GPR137B: variants seen among roughly 807,000 people sequenced by gnomAD.
GPR137B encodes G protein-coupled receptor 137B.
GPR137B carries 42 observed loss-of-function variants against 42.5 expected under a neutral mutation model. That is an observed-to-expected ratio of 0.99 (90% CI 0.77 to 1.28). The LOEUF (loss-of-function observed/expected upper bound fraction) is 1.28. Ranked by LOEUF, GPR137B falls within the 50% of genes most tolerant of loss-of-function variation. GPR137B has a pLI of 0.00. For missense variants in GPR137B, 487 were observed against 493.9 expected (o/e 0.99, Z 0.13); for synonymous variants, 218 against 209.7 (o/e 1.04, Z -0.34).
At chr1:236,161,218 C>G (rs1036462309) in intron 1 of GPR137B, among the ~76,000 whole-genome samples, 1 of 152,142 alleles carries the variant, frequency 6.6e-6, no homozygotes, top group Non-Finnish European at 1.5e-5. Flanking sequence ...TCTCACAGCA[C>G]AGGTCTGCAT....
intron 1 of GPR137B, among the ~76,000 whole-genome samples, chr1:236,165,282 A>T (rs1469992860): frequency 6.6e-6 from 1 of 152,178 alleles, no homozygotes; most frequent in East Asian, 1.9e-4. Flanking sequence ...TTTTATTTTG[A>T]TGTTTGCACC....
intron 3 of GPR137B, among the ~76,000 whole-genome samples, chr1:236,179,006 C>G (rs946901959): frequency 5.3e-5 from 8 of 151,516 alleles, no homozygotes; most frequent in Admixed American, 2.0e-4. Flanking sequence ...ACTGTGTTAG[C>G]CAGGATGGTC....
intron 5 of GPR137B, among the ~76,000 whole-genome samples, chr1:236,199,697 T>A (rs1489155629): frequency 1.3e-5 from 2 of 152,024 alleles, no homozygotes; most frequent in Non-Finnish European, 2.9e-5. Flanking sequence ...GTGGTATCGG[T>A]TGTAATATCT....
At chr1:236,185,014 G>A (rs1023423852) in intron 5 of GPR137B, among the ~76,000 whole-genome samples, 3 of 152,072 alleles carry the variant, frequency 2.0e-5, no homozygotes, top group South Asian at 2.1e-4. Context: ...TGATCCGACC[G>A]CCTCAGCCTC....
intron 3 of GPR137B, 26 bp downstream of exon 3, chr1:236,178,662 C>T: frequency 7.2e-7 from 1 of 1,380,286 alleles, no homozygotes; most frequent in Non-Finnish European, 1.0e-6. Context: ...GTCAAGATCC[C>T]TCCCATGAAA....
intron 5 of GPR137B, among the ~76,000 whole-genome samples, chr1:236,197,045 T>A (rs1663360469): frequency 6.6e-6 from 1 of 152,202 alleles, no homozygotes; most frequent in Non-Finnish European, 1.5e-5. Context: ...CCAACATCTG[T>A]TATTTTTTTA....
intron 1 of GPR137B, among the ~76,000 whole-genome samples, chr1:236,144,403 C>G (rs1661625477): frequency 6.8e-6 from 1 of 146,024 alleles, no homozygotes; most frequent in African/African-American, 2.6e-5. Flanking sequence ...GAGCTAGATC[C>G]TGTCTCAAAA....
At chr1:236,188,399 G>A (rs1193803685) in intron 5 of GPR137B, among the ~76,000 whole-genome samples, 2 of 152,110 alleles carry the variant, frequency 1.3e-5, no homozygotes, top group Non-Finnish European at 2.9e-5. Context: ...TGCCTTGTGC[G>A]GGTTTTCAAA....
chr1:236,180,235 A>G (rs72767429), intron 4 of GPR137B: 12,652 of 525,208 alleles, frequency 0.024, 741 homozygotes, highest in African/African-American at 0.16. Flanking sequence ...TACAACACAA[A>G]TGCTATGTAA....
intron 2 of GPR137B, among the ~76,000 whole-genome samples, chr1:236,175,237 T>C (rs1483658308): frequency 1.3e-5 from 2 of 152,114 alleles, no homozygotes; most frequent in Non-Finnish European, 2.9e-5. Context: ...TTTCTACTTA[T>C]TAAGTGGAAG....
At chr1:236,185,390 G>T (rs185606158) in intron 5 of GPR137B, among the ~76,000 whole-genome samples, 1 of 152,136 alleles carries the variant, frequency 6.6e-6, no homozygotes, top group African/African-American at 2.4e-5. Context: ...CTCAAAGTGC[G>T]GCTCTTTACC....
intron 6 of GPR137B, chr1:236,207,076 C>A: frequency 1.2e-6 from 1 of 816,118 alleles, no homozygotes; most frequent in Non-Finnish European, 1.5e-6. Flanking sequence ...TTGTTAGTAA[C>A]AGTGAAAGTC....
Position 236,142,749 on chromosome 1 carries a change from C to G in GPR137B, c.127C>G (p.Leu43Val). 1.2e-6 allele frequency: 2 copies of G among 1,610,476 alleles called. No individual in the cohort carries two copies. Among genetic ancestry groups the G allele is most frequent in the African/African-American group, 1.3e-5 (1 of 74,310 alleles). ...LTPAVPPYVK[L>V]GLTVVYTVFY... ...CCCGGCCGTGCCCCCCTACGTGAAGCTTGGCCTCACCGTCGTCTACACCGT... is the reference window on the plus strand; with the variant it reads ...CCCGGCCGTGCCCCCCTACGTGAAGGTTGGCCTCACCGTCGTCTACACCGT... Residue 43 changes from leucine to valine, a missense_variant, in exon 1 of 7, where the codon CTT becomes GTT. Physicochemically the swap from Leu to Val is conservative, Grantham distance 32 (BLOSUM62 1). Transcript: ENST00000366592.
chr1:236,149,276 A>G lies in GPR137B; in HGVS notation c.414+6240A>G, dbSNP rs999779336. Among the ~76,000 whole-genome samples the G allele has an allele frequency of 5.3e-5, 8 of 152,264 alleles. 1 individual carries two copies. The highest frequency in any genetic ancestry group is 3.3e-4 in the Admixed American group (5 of 15,300). On this transcript the variant is annotated intron_variant, in intron 1 of 6. Coordinates refer to ENST00000366592, the MANE Select transcript of GPR137B (RefSeq NM_003272.4). ...TAATCGCAGTGCCTGACATGAGAGC[A>G]GAAGGCACTGGGGGTCCAGCAGCCC...
intron 1 of GPR137B, among the ~76,000 whole-genome samples, chr1:236,147,842 A>G (rs959010954): frequency 6.6e-6 from 1 of 152,020 alleles, no homozygotes; most frequent in Non-Finnish European, 1.5e-5. Flanking sequence ...CTTTTTCTCC[A>G]TCTCCACTCT....
chr1:236,194,016 A>C (rs1300678873), intron 5 of GPR137B, among the ~76,000 whole-genome samples: 1 of 152,224 alleles, frequency 6.6e-6, no homozygotes, highest in African/African-American at 2.4e-5. Context: ...AAAGCAGGAC[A>C]CATTCAGTAG....
intron 5 of GPR137B, among the ~76,000 whole-genome samples, chr1:236,195,527 C>A (rs1225190366): frequency 2.0e-5 from 3 of 152,178 alleles, no homozygotes; most frequent in African/African-American, 7.2e-5. Context: ...ACTTAGGTTG[C>A]TTCCAAAGCT....
intron 5 of GPR137B, among the ~76,000 whole-genome samples, chr1:236,199,663 C>A (rs748552016): frequency 6.6e-6 from 1 of 150,664 alleles, no homozygotes; most frequent in Non-Finnish European, 1.5e-5. Context: ...TTCGTAGTAA[C>A]CTTGAATGAT....
At chr1:236,178,309 T>G (rs1322297647) in intron 2 of GPR137B, 105 bp from the exon 3 acceptor site, 2 of 697,138 alleles carry the variant, frequency 2.9e-6, no homozygotes, top group Non-Finnish European at 5.1e-6. Context: ...CTCTTAAATG[T>G]CACCTTTGGT....
Sources: allele counts gnomAD v4.1 joint callset (sites outside exome capture counted in the v4.1 genomes callset), GRCh38; gene constraint gnomAD v4.1.1; transcripts MANE v1.5; gene names NCBI Gene and HGNC (gene_info 2026-07-23, HGNC 2026-07-21).